The following TMEM184B variants were observed in gnomAD, a reference collection of about 807,000 sequenced individuals.
TMEM184B encodes putative MAPK-activating protein FM08.
TMEM184B carries 17 observed loss-of-function variants against 41.8 expected under a neutral mutation model. That is an observed-to-expected ratio of 0.41 (90% CI 0.28 to 0.61). The LOEUF (loss-of-function observed/expected upper bound fraction) is 0.61. TMEM184B is among the 20% of genes least tolerant of loss of function. TMEM184B has a pLI of 0.34. For missense variants in TMEM184B, 393 were observed against 557.8 expected (o/e 0.70, Z 2.98); for synonymous variants, 240 against 229.5 (o/e 1.05, Z -0.41).
intron 1 of TMEM184B, among the ~76,000 whole-genome samples, chr22:38,256,525 G>A (rs117146111): frequency 0.034 from 5,245 of 152,104 alleles, 140 homozygotes; most frequent in Middle Eastern, 0.058. Flanking sequence ...CACCATGCCC[G>A]GCCAACAATC....
At chr22:38,271,966 C>G (rs1244113112) in intron 1 of TMEM184B, among the ~76,000 whole-genome samples, 1 of 152,230 alleles carries the variant, frequency 6.6e-6, no homozygotes, top group Non-Finnish European at 1.5e-5. Flanking sequence ...GCTGACTCTG[C>G]AGCGCAGGGC....
At chr22:38,248,479 G>C (rs375246223) in intron 1 of TMEM184B, among the ~76,000 whole-genome samples, 50 of 152,326 alleles carry the variant, frequency 3.3e-4, no homozygotes, top group African/African-American at 1.2e-3. Context: ...TGCACTGGCT[G>C]TCTCTGCTCA....
chr22:38,272,033 T>C (rs541135157), intron 1 of TMEM184B, among the ~76,000 whole-genome samples: 7 of 152,146 alleles, frequency 4.6e-5, no homozygotes, highest in East Asian at 3.9e-4. Flanking sequence ...GTCAGATAAA[T>C]AATACATGGC....
intron 1 of TMEM184B, among the ~76,000 whole-genome samples, chr22:38,261,112 G>A (rs1470331046): frequency 2.0e-5 from 3 of 152,172 alleles, no homozygotes; most frequent in African/African-American, 4.8e-5. Flanking sequence ...GAATGACAAC[G>A]GGAATGACAG....
chr22:38,238,539 T>C (rs971736346), intron 3 of TMEM184B, among the ~76,000 whole-genome samples: 2 of 152,236 alleles, frequency 1.3e-5, no homozygotes, highest in African/African-American at 4.8e-5. Context: ...CGAGGTCTTA[T>C]AATCCTTGGC....
Position 38,225,338 on chromosome 22 carries a change from AC to A in TMEM184B, c.787+85del, listed in dbSNP as rs1169857985. The A allele has an allele frequency of 6.8e-6, 10 of 1,462,968 alleles. No individual in the cohort carries two copies. The highest frequency in any genetic ancestry group is 9.1e-6 in the Non-Finnish European group (10 of 1,095,722). 90.6% of individuals were successfully genotyped at this position (1,462,968 alleles called of 1,614,324 possible). A position where few individuals can be genotyped will look rare whatever the true frequency, so the allele number is the denominator to read the frequency against. On this transcript the variant is annotated intron_variant, in intron 7 of 8. Transcript: ENST00000361906. This position sits in a 1 kb window ranked among gnomAD's most constrained non-coding sequence, Gnocchi z 4.4. ...GCCCCTCTGAACAGGCCCTACAGGC[AC>A]CAGGGACCATAAGCAGAAGGGGCAG... is the stretch of plus-strand genomic sequence containing the variant.
At chr22:38,216,611 C>G (rs2091153244), downstream of TMEM184B, 1 of 156,378 alleles carries the variant, frequency 6.4e-6, no homozygotes, top group South Asian at 2.1e-4. Context: ...TAGTGCACAT[C>G]ACCAGCTATT....
At chr22:38,256,078 T>C (rs759392657) in intron 1 of TMEM184B, among the ~76,000 whole-genome samples, 8 of 152,166 alleles carry the variant, frequency 5.3e-5, no homozygotes, top group Non-Finnish European at 8.8e-5. Context: ...GGGCTGGGCA[T>C]GGTGGCTCAC....
chr22:38,225,196 G>A lies in TMEM184B; in HGVS notation c.788-217C>T, dbSNP rs771067002. The stretch of plus-strand genomic sequence containing the variant: ...CCGAAACTGAGATGCCAGCAATTAC[G>A]CAGGGTCTCCTGGGCCCTCTCATCC... On this transcript the variant is annotated intron_variant, in intron 7 of 8. Transcript: ENST00000361906. This position sits in a 1 kb window ranked among gnomAD's most constrained non-coding sequence, Gnocchi z 4.4. Among the ~76,000 whole-genome samples the A allele has an allele frequency of 5.3e-5, 8 of 152,208 alleles. No homozygotes were observed. The South Asian group carries it at 6.3e-4, about 12-fold the overall frequency.
intron 3 of TMEM184B, among the ~76,000 whole-genome samples, chr22:38,235,430 A>G (rs949410232): frequency 6.6e-6 from 1 of 152,196 alleles, no homozygotes; most frequent in Non-Finnish European, 1.5e-5. Flanking sequence ...CAGTCAGCAC[A>G]CTTTTGAATT....
intron 1 of TMEM184B, among the ~76,000 whole-genome samples, chr22:38,265,222 T>C (rs1254767515): frequency 6.6e-6 from 1 of 152,158 alleles, no homozygotes; most frequent in East Asian, 1.9e-4. Flanking sequence ...AAAGACCTCC[T>C]GCACTTCACC....
At chr22:38,258,274 G>A (rs2092315801) in intron 1 of TMEM184B, among the ~76,000 whole-genome samples, 1 of 151,674 alleles carries the variant, frequency 6.6e-6, no homozygotes, top group Non-Finnish European at 1.5e-5. Flanking sequence ...GGACTAAATG[G>A]GTTTAAGAAT....
At chr22:38,250,629 G>C (rs557135070) in intron 1 of TMEM184B, among the ~76,000 whole-genome samples, 3 of 152,172 alleles carry the variant, frequency 2.0e-5, no homozygotes, top group South Asian at 2.1e-4. Flanking sequence ...ATAAACATGG[G>C]GAATTGTGGG....
chr22:38,229,350 C>G (rs572469600), intron 5 of TMEM184B, among the ~76,000 whole-genome samples: 1 of 152,372 alleles, frequency 6.6e-6, no homozygotes, highest in East Asian at 1.9e-4. Flanking sequence ...CCACGCCGGG[C>G]TGAAAGCTCT....
In TMEM184B at chr22:38,225,962, G is replaced by A. The variant is rs1333457093; in HGVS notation, c.618-369C>T. Among the ~76,000 whole-genome samples the A allele has an allele frequency of 1.3e-5, 2 of 152,054 alleles. No homozygotes were observed. The highest frequency in any genetic ancestry group is 2.4e-5 in the African/African-American group (1 of 41,316). ...GCTCAGCTCTGCTGCCTTTTCACTC[G>A]GTCGGCTGCATCCCCCTGACCTCCT... On this transcript the variant is annotated intron_variant, in intron 6 of 8. Transcript: ENST00000361906. This position sits in a 1 kb window ranked among gnomAD's most constrained non-coding sequence, Gnocchi z 4.4.
At chr22:38,246,161 G>A (rs2092025673) in intron 2 of TMEM184B, 61 bp from the exon 3 acceptor site, 7 of 1,570,378 alleles carry the variant, frequency 4.5e-6, no homozygotes, top group South Asian at 1.1e-5. Context: ...GGGAGGGCAG[G>A]TGGGCTTCCA....
At position 38,235,900 on chromosome 22, in the gene TMEM184B, G is replaced by A. The variant is rs763934630; in HGVS notation, c.359-4566C>T. Among the ~76,000 whole-genome samples, 72 of 152,286 alleles carry A rather than the reference G, an allele frequency of 4.7e-4. No individual in the cohort carries two copies. The Middle Eastern group carries it at 0.014, about 29-fold the overall frequency. On this transcript the variant is annotated intron_variant, in intron 3 of 8. Transcript: ENST00000361906. ...TTGACCGGGAAGCTCACTGCCCACC[G>A]CCCTTCCCACCACGGCTCCAGTACC...
rs10427647 is a variant in TMEM184B at position 38,258,520 on chromosome 22, G to A, written c.-58-10501C>T. On this transcript the variant is annotated intron_variant, in intron 1 of 8. Coordinates refer to ENST00000361906, the MANE Select transcript of TMEM184B (RefSeq NM_012264.5). ...TCACCATATTGGCCAGGCTGGTCTC[G>A]AACTCCTGACCTCAAGTGATCCACC... is the stretch of plus-strand genomic sequence containing the variant. 4.4e-3 allele frequency among the ~76,000 whole-genome samples: 676 copies of A among 151,984 alleles called. 4 individuals are homozygous for A. The highest frequency in any genetic ancestry group is 0.015 in the African/African-American group (612 of 41,446).
intron 3 of TMEM184B, among the ~76,000 whole-genome samples, chr22:38,235,818 A>T (rs2091758654): frequency 6.6e-6 from 1 of 152,160 alleles, no homozygotes; most frequent in Non-Finnish European, 1.5e-5. Context: ...CAAATAAAAG[A>T]TGCGTGCGTG....
Sources: allele counts gnomAD v4.1 joint callset (sites outside exome capture counted in the v4.1 genomes callset), GRCh38; gene constraint gnomAD v4.1.1; non-coding constraint Gnocchi (gnomAD v3.1); transcripts MANE v1.5; gene names NCBI Gene and HGNC (gene_info 2026-07-23, HGNC 2026-07-21).